ADK: variants seen among roughly 807,000 people sequenced by gnomAD.
ADK encodes N6,N6-dimethyladenosine kinase.
ADK carries 24 observed loss-of-function variants against 44.7 expected under a neutral mutation model. The ratio of observed to expected loss-of-function variants is 0.54; its 90% CI spans 0.39 to 0.76. The LOEUF is 0.76. Among genes scored for constraint, ADK ranks in the 30% least tolerant of loss-of-function variants. ADK has a pLI of 0.00. For synonymous variants in ADK, 128 were observed against 142.6 expected, an observed-to-expected ratio of 0.90 and a Z score of 0.73; for missense variants, 321 against 425.1, an observed-to-expected ratio of 0.76 and a Z score of 2.15.
At position 74,269,497 on chromosome 10, in the gene ADK, T is replaced by G. The variant is rs950936849; in HGVS notation, c.194+44906T>G. ...CCATATTTTATAGACACAAACCACA[T>G]GAGACCAAAAATAGTGTATACTGAC... is the stretch of plus-strand genomic sequence containing the variant. On this transcript the variant is annotated intron_variant, in intron 3 of 10. Coordinates refer to ENST00000539909, the MANE Select transcript of ADK (RefSeq NM_006721.4). Among the ~76,000 whole-genome samples the G allele has an allele frequency of 5.9e-5, 9 of 152,220 alleles. No individual in the cohort carries two copies. In the South Asian group the frequency reaches 1.2e-3, roughly 21 times the overall value.
chr10:74,290,977 AAAT>A (rs926872460), intron 3 of ADK, among the ~76,000 whole-genome samples: 2 of 152,152 alleles, frequency 1.3e-5, no homozygotes, highest in South Asian at 2.1e-4. Context: ...AGTCTGTAGC[AAAT>A]AATAATAATA....
chr10:74,153,468 TA>T (rs1418077584), intron 1 of ADK, among the ~76,000 whole-genome samples: 44 of 152,328 alleles, frequency 2.9e-4, no homozygotes, highest in African/African-American at 9.1e-4. Context: ...CTTTCTCAAA[TA>T]TCTATTATTT....
intron 7 of ADK, among the ~76,000 whole-genome samples, chr10:74,528,749 G>A (rs1469716564): frequency 2.0e-5 from 3 of 152,070 alleles, no homozygotes; most frequent in East Asian, 3.8e-4. Context: ...TATACAGATG[G>A]CCAGTAAACA....
chr10:74,447,366 A>C (rs559297888), intron 6 of ADK, among the ~76,000 whole-genome samples: 133 of 152,292 alleles, frequency 8.7e-4, no homozygotes, highest in Non-Finnish European at 1.4e-3. Context: ...TTTATTAGGC[A>C]GAGTCAAGTG....
rs192439136 is a variant in ADK, at chr10:74,572,581, A to G, written c.727-16701A>G. 5.1e-3 allele frequency among the ~76,000 whole-genome samples: 774 copies of G among 152,250 alleles called. 7 individuals carry two copies. The highest frequency in any genetic ancestry group is 0.018 in the African/African-American group (745 of 41,546). On this transcript the variant is annotated intron_variant, in intron 7 of 10. Transcript: ENST00000539909. ...CTAGATTGGGGAAGTTCTCCTGGATAATATCCTGCAGAGTGTTTTCCAACT... is the reference window on the plus strand; with the variant it reads ...CTAGATTGGGGAAGTTCTCCTGGATGATATCCTGCAGAGTGTTTTCCAACT...
chr10:74,193,333 T>C (rs547566331), intron 1 of ADK, among the ~76,000 whole-genome samples: 16 of 152,270 alleles, frequency 1.1e-4, no homozygotes, highest in African/African-American at 3.1e-4. Context: ...ATGTGCCATG[T>C]TGGTGTGCTG....
intron 10 of ADK, among the ~76,000 whole-genome samples, chr10:74,698,220 G>A (rs1042484022): frequency 1.3e-5 from 2 of 152,036 alleles, no homozygotes; most frequent in Non-Finnish European, 2.9e-5. Flanking sequence ...TGTGTAACAG[G>A]ATAGAGAGAA....
chr10:74,687,477 T>C (rs1855834555), intron 10 of ADK, among the ~76,000 whole-genome samples: 1 of 152,212 alleles, frequency 6.6e-6, no homozygotes, highest in Non-Finnish European at 1.5e-5. Context: ...CTTTGTTCCA[T>C]TTAATAGTAA....
At chr10:74,439,860 C>T (rs1178875533) in intron 6 of ADK, among the ~76,000 whole-genome samples, 1 of 151,904 alleles carries the variant, frequency 6.6e-6, no homozygotes. Context: ...TTAATTTTAA[C>T]ATATAGACTA....
At chr10:74,182,197 A>AT (rs1842584091) in intron 1 of ADK, among the ~76,000 whole-genome samples, 1 of 152,076 alleles carries the variant, frequency 6.6e-6, no homozygotes, top group African/African-American at 2.4e-5. Flanking sequence ...TTTCAAACTC[A>AT]TTTTTACCTG....
intron 6 of ADK, among the ~76,000 whole-genome samples, chr10:74,523,144 C>G (rs1358429256): frequency 6.6e-6 from 1 of 152,146 alleles, no homozygotes; most frequent in Non-Finnish European, 1.5e-5. Flanking sequence ...AATATGTCCA[C>G]CTCATAGGTT....
intron 7 of ADK, among the ~76,000 whole-genome samples, chr10:74,548,301 G>T (rs1375058305): frequency 1.3e-5 from 2 of 151,534 alleles, no homozygotes; most frequent in Non-Finnish European, 2.9e-5. Flanking sequence ...TCAAGTATTT[G>T]TTAAAACATA....
At chr10:74,303,336 T>C (rs921058943) in intron 3 of ADK, among the ~76,000 whole-genome samples, 5 of 152,148 alleles carry the variant, frequency 3.3e-5, no homozygotes, top group African/African-American at 1.2e-4. Context: ...ATCTGGATTA[T>C]AGTTCCCCCA....
intron 3 of ADK, among the ~76,000 whole-genome samples, chr10:74,241,026 T>A (rs1189653433): frequency 3.3e-5 from 5 of 152,228 alleles, no homozygotes; most frequent in Non-Finnish European, 5.9e-5. Context: ...AAACAAAACT[T>A]ATCAGTAAGA....
intron 6 of ADK, among the ~76,000 whole-genome samples, chr10:74,484,086 C>G (rs77609295): frequency 2.0e-5 from 3 of 152,120 alleles, no homozygotes; most frequent in African/African-American, 7.2e-5. Context: ...AGTTTGTTCT[C>G]GTACTGCTAT....
In ADK at chr10:74,490,288, T is replaced by C. The variant is rs141594969; in HGVS notation, c.556-34968T>C. Reference sequence around the variant, plus strand: ...TTTTATCAATGTCTTTTTGTAAAAATACCTATATACTAACTTTGAATAGGT... The same window carrying C: ...TTTTATCAATGTCTTTTTGTAAAAACACCTATATACTAACTTTGAATAGGT... On this transcript the variant is annotated intron_variant, in intron 6 of 10. Transcript: ENST00000539909. Among the ~76,000 whole-genome samples, 23 of 152,260 alleles carry C rather than the reference T, an allele frequency of 1.5e-4. No homozygotes were observed. The East Asian group carries it at 3.7e-3, about 24-fold the overall frequency.
At chr10:74,260,170 C>G (rs533862265) in intron 3 of ADK, among the ~76,000 whole-genome samples, 1 of 152,308 alleles carries the variant, frequency 6.6e-6, no homozygotes, top group African/African-American at 2.4e-5. Flanking sequence ...TCTGTTCCCA[C>G]TCCCCCCAAA....
At chr10:74,355,330 TAAA>T (rs1321934129) in intron 4 of ADK, among the ~76,000 whole-genome samples, 1 of 152,220 alleles carries the variant, frequency 6.6e-6, no homozygotes, top group African/African-American at 2.4e-5. Context: ...GTTAACTTTT[TAAA>T]AACTTCTCTG....
intron 6 of ADK, among the ~76,000 whole-genome samples, chr10:74,444,098 C>T (rs900891209): frequency 5.3e-5 from 8 of 152,256 alleles, no homozygotes; most frequent in Non-Finnish European, 1.0e-4. Context: ...CCTACCTGTT[C>T]AGAGTATTAA....
Sources: gnomAD v4.1 joint callset for allele counts (sites outside exome capture counted in the v4.1 genomes callset) on GRCh38, gnomAD v4.1.1 for gene constraint, MANE v1.5 for transcripts, NCBI Gene and HGNC (gene_info 2026-07-23, HGNC 2026-07-21) for gene names.